ADGRE5: variants seen among roughly 807,000 people sequenced by gnomAD.
The protein encoded by ADGRE5 is adhesion G protein-coupled receptor E5.
In ADGRE5, 72 loss-of-function variants were observed where a neutral mutation model predicts 100.3. That is an observed-to-expected ratio of 0.72 (90% confidence interval 0.59 to 0.87). The LOEUF (loss-of-function observed/expected upper bound fraction) is 0.87, where lower values mean the gene tolerates loss of function less well. ADGRE5 is among the 40% of genes least tolerant of loss of function. The probability of loss-of-function intolerance (pLI) is 0.00; values close to 1 mark genes in which losing one functional copy is unlikely to be tolerated. For missense variants in ADGRE5, 959 were observed against 1,094.7 expected (o/e 0.88, Z 1.75); for synonymous variants, 439 against 447.8 (o/e 0.98, Z 0.25).
intron 9 of ADGRE5, among the ~76,000 whole-genome samples, chr19:14,398,904 T>C (rs1158992351): frequency 6.6e-6 from 1 of 151,526 alleles, no homozygotes; most frequent in African/African-American, 2.4e-5. Flanking sequence ...GGCTGTGACA[T>C]GATCATGGCT....
chr19:14,392,104 A>C (rs1177712162), intron 4 of ADGRE5, among the ~76,000 whole-genome samples: 1 of 93,910 alleles, frequency 1.1e-5, no homozygotes, highest in Non-Finnish European at 2.0e-5. Context: ...ACTCTGTCTG[A>C]AAAAAAAAAA....
chr19:14,384,996 T>C (rs74468665), intron 1 of ADGRE5, among the ~76,000 whole-genome samples: 1 of 148,070 alleles, frequency 6.8e-6, no homozygotes, highest in African/African-American at 2.5e-5. Flanking sequence ...TTTTTTTTTT[T>C]TGAGACTCTT....
At chr19:14,384,582 G>T (rs928971475) in intron 1 of ADGRE5, among the ~76,000 whole-genome samples, 1 of 47,028 alleles carries the variant, frequency 2.1e-5, no homozygotes, top group Non-Finnish European at 4.0e-5. Flanking sequence ...CTCCCAGCCC[G>T]CCCCAGGCCC....
At chr19:14,392,730 CTG>C (rs1975644086) in intron 4 of ADGRE5, among the ~76,000 whole-genome samples, 1 of 151,770 alleles carries the variant, frequency 6.6e-6, no homozygotes, top group Non-Finnish European at 1.5e-5. Flanking sequence ...TGGCGAAACC[CTG>C]TGTCTACTAA....
chr19:14,404,529 C>T lies in ADGRE5; in HGVS notation c.1596C>T (p.Ser532=), dbSNP rs1247607601. ...CCTGCCAATGCAGCCACCTGAGCAGCTTTGCGATCCTTATGGCTCATTATG... is the reference window on the plus strand; with the variant it reads ...CCTGCCAATGCAGCCACCTGAGCAGTTTTGCGATCCTTATGGCTCATTATG... ...STTCQCSHLS[S]FAILMAHYDV... The change falls in exon 13 of 20, where the codon AGC becomes AGT. Residue 532 remains serine, a synonymous_variant. Coordinates refer to ENST00000242786, the MANE Select transcript of ADGRE5 (RefSeq NM_078481.4). 8 of 1,613,256 alleles carry T rather than the reference C, an allele frequency of 5.0e-6. No individual in the cohort carries two copies. The highest frequency in any genetic ancestry group is 2.2e-5 in the South Asian group (2 of 91,024).
In ADGRE5 at chr19:14,404,534, C is replaced by T. The variant is rs778922935; in HGVS notation, c.1601C>T (p.Ala534Val). 3 of 1,612,770 alleles carry T rather than the reference C, an allele frequency of 1.9e-6. No homozygotes were observed. The highest frequency in any genetic ancestry group is 1.3e-5 in the African/African-American group (1 of 74,794). ...TCQCSHLSSF[A>V]ILMAHYDVED... ...CAATGCAGCCACCTGAGCAGCTTTG[C>T]GATCCTTATGGCTCATTATGACGTG... The change falls in exon 13 of 20, where the codon GCG becomes GTG. Residue 534 changes from alanine (A) to valine (V), a missense_variant. By Grantham distance (64) the Ala-to-Val change is moderately conservative. Transcript: ENST00000242786.
rs1393963310 is a variant in ADGRE5, at chr19:14,406,149, C to T, written c.1822-182C>T. Among the ~76,000 whole-genome samples, 1 of 152,188 alleles carries T rather than the reference C, an allele frequency of 6.6e-6. No individual in the cohort carries two copies. Among genetic ancestry groups the T allele is most frequent in the Non-Finnish European group, 1.5e-5 (1 of 68,020 alleles). ...GAGCTGCCTGGCCACACCCCGAGTGCCCGCTCGCTTCTGAGCGTTGTTGGG... is the reference window on the plus strand; with the variant it reads ...GAGCTGCCTGGCCACACCCCGAGTGTCCGCTCGCTTCTGAGCGTTGTTGGG... On this transcript the variant is annotated intron_variant, in intron 14 of 19. Coordinates refer to ENST00000242786, the MANE Select transcript of ADGRE5 (RefSeq NM_078481.4). This position sits in a 1 kb window ranked among gnomAD's most constrained non-coding sequence, Gnocchi z 6.0.
intron 1 of ADGRE5, among the ~76,000 whole-genome samples, chr19:14,383,432 G>C (rs907371227): frequency 6.6e-6 from 1 of 151,892 alleles, no homozygotes; most frequent in Non-Finnish European, 1.5e-5. Context: ...TTGAACCTGG[G>C]AGGTGGAGGT....
Position 14,406,761 on chromosome 19 carries a change from AT to A in ADGRE5, c.2114del (p.Leu705CysfsTer8), listed in dbSNP as rs1976259629. Reference protein sequence around the residue: ...WSFLGPVTFIILCNAVIFVTT... With the variant: ...WSFLGPVTFIXLCNAVIFVTT... ...CTTCTTGGGACCTGTGACCTTCATC[AT>A]TTTGGTAAGTACCCACTCTCCCTCC... On this transcript the variant is annotated frameshift_variant, in exon 16 of 20. Transcript: ENST00000242786. LOFTEE classifies it high-confidence loss of function. The surrounding 1 kb of genome is among the most constrained non-coding windows in gnomAD (Gnocchi z 6.0). 1.2e-6 allele frequency: 2 copies of A among 1,613,784 alleles called. No individual in the cohort carries two copies. The highest frequency in any genetic ancestry group is 1.1e-5 in the South Asian group (1 of 91,078).
At chr19:14,396,513 C>G in intron 5 of ADGRE5, 40 bp downstream of exon 5, 1 of 1,613,244 alleles carries the variant, frequency 6.2e-7, no homozygotes, top group Non-Finnish European at 8.5e-7. Context: ...TGGACGGGAG[C>G]TGGGGATGGA....
chr19:14,405,686 A>C, intron 13 of ADGRE5, 62 bp from the exon 14 acceptor site: 1 of 1,290,264 alleles, frequency 7.8e-7, no homozygotes, highest in Non-Finnish European at 1.1e-6. Context: ...AAAAGGGACC[A>C]CAAAGAGGGC....
chr19:14,398,630 G>A (rs531180028), intron 9 of ADGRE5, among the ~76,000 whole-genome samples: 7 of 146,414 alleles, frequency 4.8e-5, no homozygotes, highest in African/African-American at 1.8e-4. Flanking sequence ...AGCCGAGGTC[G>A]TGCAGCTGCA....
At chr19:14,392,655 T>C (rs569176869) in intron 4 of ADGRE5, among the ~76,000 whole-genome samples, 2 of 152,172 alleles carry the variant, frequency 1.3e-5, no homozygotes, top group African/African-American at 4.8e-5. Context: ...GTAATGCTAG[T>C]ACTCTGGGAG....
intron 1 of ADGRE5, among the ~76,000 whole-genome samples, chr19:14,382,258 C>A (rs950112158): frequency 6.6e-6 from 1 of 152,194 alleles, no homozygotes; most frequent in African/African-American, 2.4e-5. Flanking sequence ...AGGGACACAG[C>A]TTCCCTGGGC....
At chr19:14,383,569 G>A (rs1240329637) in intron 1 of ADGRE5, among the ~76,000 whole-genome samples, 1 of 152,080 alleles carries the variant, frequency 6.6e-6, no homozygotes, top group Non-Finnish European at 1.5e-5. Flanking sequence ...GTGGGTCTGG[G>A]GAATTGTCTC....
chr19:14,388,804 C>T lies in ADGRE5; in HGVS notation c.176C>T (p.Thr59Met), dbSNP rs139113505. Reference sequence around the variant, plus strand: ...TTTTCTGAGATCATCACCACCCCGACGGAGACTTGTGACGGTACAGAGGCT... The same window carrying T: ...TTTTCTGAGATCATCACCACCCCGATGGAGACTTGTGACGGTACAGAGGCT... ...SSFSEIITTP[T>M]ETCDDINECA... The change falls in exon 3 of 20, where the codon ACG becomes ATG. Residue 59 changes from threonine to methionine, a missense_variant. Coordinates refer to ENST00000242786, the MANE Select transcript of ADGRE5 (RefSeq NM_078481.4). 27,749 of 1,589,410 alleles carry T rather than the reference C, an allele frequency of 0.017. 903 individuals are homozygous for T. Among genetic ancestry groups the T allele is most frequent in the Admixed American group, 0.11 (6,192 of 57,456 alleles).
chr19:14,388,207 G>A (rs1482277130), intron 1 of ADGRE5, among the ~76,000 whole-genome samples: 9 of 151,716 alleles, frequency 5.9e-5, no homozygotes, highest in Admixed American at 3.9e-4. Context: ...CAGCCTGGGT[G>A]ACCAAGCAGG....
In ADGRE5 at chr19:14,406,019, T is replaced by A; in HGVS notation, c.1821+80T>A. ...GGTTAGCCCCGCCCACTCCCGGGGC[T>A]CAGTCGGGTAGGCGGGCCCTGGAGG... On this transcript the variant is annotated intron_variant, in intron 14 of 19. Coordinates refer to ENST00000242786, the MANE Select transcript of ADGRE5 (RefSeq NM_078481.4). This position sits in a 1 kb window ranked among gnomAD's most constrained non-coding sequence, Gnocchi z 6.0. 1 of 1,296,854 alleles carries A rather than the reference T, an allele frequency of 7.7e-7. No individual in the cohort carries two copies. Among genetic ancestry groups the A allele is most frequent in the East Asian group, 2.5e-5 (1 of 39,794 alleles). 80.3% of individuals were successfully genotyped at this position (1,296,854 alleles called of 1,614,324 possible).
Position 14,407,216 on chromosome 19 carries a change from T to C in ADGRE5, c.2363T>C (p.Leu788Pro). ...GCCTTCCTCTACCTGCTGCACTGCC[T>C]GCTCAACAAGAAGGTGGGGGCCTGG... is the stretch of plus-strand genomic sequence containing the variant. ...QGAFLYLLHC[L>P]LNKKVREEYR... The change falls in exon 18 of 20, where the codon CTG (leucine) becomes CCG (proline). Residue 788 changes from leucine to proline, a missense_variant. Leu to Pro is a moderately conservative substitution (Grantham distance 98). This residue lies in a region of ADGRE5 where 428 missense variants were observed against 386.2 expected (regional missense o/e 1.11). Coordinates refer to ENST00000242786, the MANE Select transcript of ADGRE5 (RefSeq NM_078481.4). The C allele has an allele frequency of 6.2e-7, 1 of 1,613,956 alleles. No individual in the cohort carries two copies. Among genetic ancestry groups the C allele is most frequent in the Non-Finnish European group, 8.5e-7 (1 of 1,179,964 alleles).
Sources: gnomAD v4.1 joint callset for allele counts (sites outside exome capture counted in the v4.1 genomes callset) on GRCh38, gnomAD v4.1.1 for gene constraint, gnomAD v4.1.1 regional missense constraint, Gnocchi (gnomAD v3.1) non-coding constraint, MANE v1.5 for transcripts, NCBI Gene and HGNC (gene_info 2026-07-23, HGNC 2026-07-21) for gene names.